The following ANO10 variants were observed in gnomAD, a reference collection of about 807,000 sequenced individuals.
ANO10 encodes the protein anoctamin-10.
A neutral mutation model predicts 74.7 loss-of-function variants in ANO10; 77 were observed. The observed-to-expected ratio is 1.03, with a 90% confidence interval of 0.86 to 1.25. ANO10 has a LOEUF of 1.25. Among genes scored for constraint, ANO10 ranks in the 50% most tolerant of loss-of-function variants. The pLI is 0.00. For missense variants in ANO10, 721 were observed against 778.1 expected (o/e 0.93, Z 0.87); for synonymous variants, 279 against 284.9 (o/e 0.98, Z 0.21).
intron 8 of ANO10, among the ~76,000 whole-genome samples, chr3:43,564,839 CT>C (rs1165350388): frequency 6.6e-6 from 1 of 152,136 alleles, no homozygotes; most frequent in Admixed American, 6.5e-5. Flanking sequence ...GGTATTACAA[CT>C]GTTTTTTTAA....
At chr3:43,426,508 A>G (rs1189422556) in intron 12 of ANO10, among the ~76,000 whole-genome samples, 1 of 151,908 alleles carries the variant, frequency 6.6e-6, no homozygotes, top group Non-Finnish European at 1.5e-5. Flanking sequence ...CTGATTCCTG[A>G]GGCTGTTTTC....
intron 12 of ANO10, among the ~76,000 whole-genome samples, chr3:43,368,677 T>C (rs1342317387): frequency 6.6e-6 from 1 of 152,080 alleles, no homozygotes; most frequent in Non-Finnish European, 1.5e-5. Flanking sequence ...TGTAAGACTT[T>C]TAAAATGTCT....
chr3:43,542,688 C>T (rs868495933), intron 11 of ANO10, among the ~76,000 whole-genome samples: 2 of 152,166 alleles, frequency 1.3e-5, no homozygotes, highest in Non-Finnish European at 2.9e-5. Flanking sequence ...CAGTTACCAC[C>T]AGACTTTGAC....
chr3:43,481,925 T>C (rs1409400434), intron 11 of ANO10, among the ~76,000 whole-genome samples: 1 of 150,304 alleles, frequency 6.7e-6, no homozygotes, highest in African/African-American at 2.5e-5. Flanking sequence ...TTCTTTTTTT[T>C]TCTTTTTTTT....
chr3:43,645,964 C>A (rs757774052), intron 1 of ANO10, among the ~76,000 whole-genome samples: 10 of 152,144 alleles, frequency 6.6e-5, no homozygotes, highest in African/African-American at 1.2e-4. Flanking sequence ...CGCACCACCA[C>A]ACCTGGCTAA....
intron 1 of ANO10, among the ~76,000 whole-genome samples, chr3:43,661,618 A>T (rs549639707): frequency 6.6e-6 from 1 of 152,344 alleles, no homozygotes; most frequent in East Asian, 1.9e-4. Context: ...GGCAAATTGG[A>T]TAAAGAGTCA....
At chr3:43,503,850 T>C (rs2077185600) in intron 11 of ANO10, among the ~76,000 whole-genome samples, 1 of 152,176 alleles carries the variant, frequency 6.6e-6, no homozygotes. Flanking sequence ...TCTAATCAGG[T>C]GATTTTTATG....
intron 1 of ANO10, among the ~76,000 whole-genome samples, chr3:43,637,947 G>A (rs1680852499): frequency 6.6e-6 from 1 of 152,144 alleles, no homozygotes; most frequent in Admixed American, 6.5e-5. Context: ...AATATCCAAA[G>A]CAGAATTCCA....
intron 12 of ANO10, among the ~76,000 whole-genome samples, chr3:43,419,186 G>A (rs867808170): frequency 2.0e-5 from 3 of 152,306 alleles, no homozygotes; most frequent in Middle Eastern, 6.8e-3. Flanking sequence ...GATTCAAGAG[G>A]GAGAAGGCAG....
At chr3:43,448,160 C>T (rs2093276413) in intron 11 of ANO10, among the ~76,000 whole-genome samples, 1 of 152,182 alleles carries the variant, frequency 6.6e-6, no homozygotes, top group African/African-American at 2.4e-5. Context: ...TAATCTTGGA[C>T]TTCTCAACTT....
intron 1 of ANO10, among the ~76,000 whole-genome samples, chr3:43,668,578 T>C (rs2149576303): frequency 6.6e-6 from 1 of 152,286 alleles, no homozygotes; most frequent in South Asian, 2.1e-4. Flanking sequence ...TTTAAGTCTT[T>C]GATCCATCTT....
intron 11 of ANO10, among the ~76,000 whole-genome samples, chr3:43,456,041 A>C (rs908236018): frequency 3.9e-5 from 6 of 152,230 alleles, no homozygotes; most frequent in Non-Finnish European, 8.8e-5. Context: ...AGGTGATGAA[A>C]TAATTTCTTT....
At position 43,412,451 on chromosome 3, in the gene ANO10, G is replaced by C. The variant is rs536320543; in HGVS notation, c.1914+20160C>G. Among the ~76,000 whole-genome samples the C allele has an allele frequency of 5.6e-4, 85 of 152,274 alleles. No homozygotes were observed. In the South Asian group the frequency reaches 6.8e-3, roughly 12 times the overall value. ...CACTCTGAGGGTGGCTGAACACACC[G>C]TTGCCTGCACTGCACTGGGCCAGCT... On this transcript the variant is annotated intron_variant, in intron 12 of 12. Transcript: ENST00000292246.
rs189516752 is a variant in ANO10 at position 43,577,484 on chromosome 3, G to T, written c.593-223C>A. Among the ~76,000 whole-genome samples, 115 of 152,236 alleles carry T rather than the reference G, an allele frequency of 7.6e-4. 1 individual carries two copies. Among genetic ancestry groups the T allele is most frequent in the African/African-American group, 2.7e-3 (111 of 41,526 alleles). On this transcript the variant is annotated intron_variant, in intron 5 of 12. Coordinates refer to ENST00000292246, the MANE Select transcript of ANO10 (RefSeq NM_018075.5). ...AGGTTAGGGGCCAGGCCTTAGCTGG[G>T]GGGTGTGCTCCGCCAGGTGCCTGGA...
chr3:43,684,135 G>A (rs1167862205), intron 1 of ANO10, among the ~76,000 whole-genome samples: 4 of 152,102 alleles, frequency 2.6e-5, no homozygotes, highest in African/African-American at 9.7e-5. Context: ...CCATTAGAGT[G>A]AACAGGCAAC....
intron 11 of ANO10, among the ~76,000 whole-genome samples, chr3:43,499,471 C>T (rs949824101): frequency 1.3e-5 from 2 of 152,026 alleles, no homozygotes; most frequent in African/African-American, 4.8e-5. Context: ...ACAGGAGGAG[C>T]ATTGAGCAGG....
chr3:43,452,318 A>G (rs2074914093), intron 11 of ANO10, among the ~76,000 whole-genome samples: 1 of 152,222 alleles, frequency 6.6e-6, no homozygotes, highest in Non-Finnish European at 1.5e-5. Context: ...CAAAAAGCCT[A>G]TGCCCCTTAA....
intron 1 of ANO10, among the ~76,000 whole-genome samples, chr3:43,656,438 C>G (rs1330724815): frequency 6.6e-6 from 1 of 152,226 alleles, no homozygotes. Context: ...ACTCCTCAGC[C>G]CTTGGGTGGT....
intron 9 of ANO10, 76 bp from the exon 10 acceptor site, chr3:43,555,545 G>A: frequency 6.9e-7 from 1 of 1,452,788 alleles, no homozygotes; most frequent in Non-Finnish European, 9.5e-7. Context: ...AATCAAAGCT[G>A]TGGCCTCTAA....
Sources: gnomAD v4.1 joint callset for allele counts (sites outside exome capture counted in the v4.1 genomes callset) on GRCh38, gnomAD v4.1.1 for gene constraint, MANE v1.5 for transcripts, NCBI Gene and HGNC (gene_info 2026-07-23, HGNC 2026-07-21) for gene names.